FAM210A: variants seen among roughly 807,000 people sequenced by gnomAD.
FAM210A encodes family with sequence similarity 210 member A.
A neutral mutation model predicts 25.3 loss-of-function variants in FAM210A; 13 were observed. That is an observed-to-expected ratio of 0.51 (90% confidence interval 0.33 to 0.82). The LOEUF (loss-of-function observed/expected upper bound fraction) is 0.82. Among genes scored for constraint, FAM210A ranks in the 40% least tolerant of loss-of-function variants. The pLI is 0.02. For missense variants in FAM210A, 319 were observed against 323.2 expected (o/e 0.99, Z 0.10); for synonymous variants, 125 against 118.7 (o/e 1.05, Z -0.35).
rs913371953 is a variant in FAM210A, at chr18:13,719,647, A to G, written c.-29+6682T>C. On this transcript the variant is annotated intron_variant, in intron 1 of 3. Coordinates refer to ENST00000651643, the MANE Select transcript of FAM210A (RefSeq NM_152352.4). Reference sequence around the variant, plus strand: ...GCTACTATGGTTAATTCTCAGAAGTAATAAACTCAGAACCTGAAAGCACAT... The same window carrying G: ...GCTACTATGGTTAATTCTCAGAAGTGATAAACTCAGAACCTGAAAGCACAT... Among the ~76,000 whole-genome samples the G allele has an allele frequency of 9.9e-5, 15 of 152,282 alleles. 1 individual carries two copies. The Middle Eastern group carries it at 0.01, about 104-fold the overall frequency.
rs775212902 is a variant in FAM210A, at chr18:13,699,473, TA to T, written c.-28-17369del. ...AGTCTTAAATGTCAAGTGTACCACT[TA>T]AAAAAAAATCAATGATTTTTCCAAA... On this transcript the variant is annotated intron_variant, in intron 1 of 3. Coordinates refer to ENST00000651643, the MANE Select transcript of FAM210A (RefSeq NM_152352.4). Among the ~76,000 whole-genome samples the T allele has an allele frequency of 4.4e-4, 67 of 151,706 alleles. No homozygotes were observed. The East Asian group carries it at 0.012, about 28-fold the overall frequency.
In FAM210A at chr18:13,679,393, C is replaced by T. The variant is rs538379117; in HGVS notation, c.473+2212G>A. ...GACAATCTGTATTTAGTATAATCAA[C>T]TTCAACTTTTAAATACAATCATCCT... On this transcript the variant is annotated intron_variant, in intron 2 of 3. Transcript: ENST00000651643. 2.6e-5 allele frequency among the ~76,000 whole-genome samples: 4 copies of T among 152,334 alleles called. No homozygotes were observed. In the South Asian group the frequency reaches 6.2e-4, roughly 24 times the overall value.
intron 1 of FAM210A, among the ~76,000 whole-genome samples, chr18:13,711,330 C>T (rs2043819560): frequency 6.6e-6 from 1 of 152,148 alleles, no homozygotes; most frequent in Admixed American, 6.5e-5. Context: ...AGGATTGTGC[C>T]ACTGCACTCC....
rs1644353326 is a variant in FAM210A, at chr18:13,681,958, A to T, written c.120T>A (p.Asn40Lys). ...QNVKGPLLLY[N>K]AESKVVLVQG... is the part of the protein sequence containing the mutation. ...GTACCAAAACCACTTTGGATTCAGC[A>T]TTGTATAAAAGTAAAGGTCCCTTTA... Residue 40 changes from asparagine to lysine, a missense_variant, in exon 2 of 4, where the codon AAT becomes AAA. Asn to Lys is a moderately conservative substitution (Grantham distance 94). Transcript: ENST00000651643. The T allele has an allele frequency of 6.2e-7, 1 of 1,614,170 alleles. No individual in the cohort carries two copies. The highest frequency in any genetic ancestry group is 1.3e-5 in the African/African-American group (1 of 75,042).
rs149627810 is a variant in FAM210A at position 13,666,639 on chromosome 18, G to A, written c.660C>T (p.Gly220=). 6.2e-7 allele frequency: 1 copy of A among 1,614,190 alleles called. No individual in the cohort carries two copies. Among genetic ancestry groups the A allele is most frequent in the East Asian group, 2.2e-5 (1 of 44,880 alleles). ...TGACGGGTGGCGGCGTGGACATGTA[G>A]CCATGACTGCGCAGATACTTCACAG... ...SVTVKYLRSH[G]YMSTPPPVKE... is the part of the protein sequence containing the mutation. Residue 220 remains glycine (G), a synonymous_variant, in exon 4 of 4, where the codon GGC becomes GGT. Transcript: ENST00000651643.
chr18:13,701,094 T>C (rs769337241), intron 1 of FAM210A, among the ~76,000 whole-genome samples: 1 of 152,194 alleles, frequency 6.6e-6, no homozygotes, highest in Non-Finnish European at 1.5e-5. Context: ...TTTTAACAGA[T>C]GGTGTCAGAA....
intron 2 of FAM210A, among the ~76,000 whole-genome samples, chr18:13,680,195 C>A (rs1417523737): frequency 6.6e-6 from 1 of 152,168 alleles, no homozygotes; most frequent in African/African-American, 2.4e-5. Context: ...CATTACATAG[C>A]AGGACTGAAT....
At chr18:13,691,499 C>T (rs1165973717) in intron 1 of FAM210A, among the ~76,000 whole-genome samples, 1 of 152,014 alleles carries the variant, frequency 6.6e-6, no homozygotes, top group African/African-American at 2.4e-5. Context: ...TTAAGGGCAG[C>T]CAGAGAGAAA....
At chr18:13,697,231 C>T (rs2043701799) in intron 1 of FAM210A, among the ~76,000 whole-genome samples, 1 of 151,558 alleles carries the variant, frequency 6.6e-6, no homozygotes, top group South Asian at 2.1e-4. Flanking sequence ...ACTCTTAAAA[C>T]TCAACAATAA....
intron 1 of FAM210A, among the ~76,000 whole-genome samples, chr18:13,719,470 T>C (rs1017303731): frequency 1.3e-5 from 2 of 152,228 alleles, no homozygotes; most frequent in African/African-American, 4.8e-5. Context: ...ATCTTGCCAT[T>C]GGCACCCACA....
In FAM210A at chr18:13,676,117, GCC is replaced by G. The variant is rs1234455374; in HGVS notation, c.474-4146_474-4145del. On this transcript the variant is annotated intron_variant, in intron 2 of 3. Transcript: ENST00000651643. ...GTTTCCTGATTATTAACATTCCTGA[GCC>G]CCTGACCTCTTTATTTCCAGTTTCC... is the stretch of plus-strand genomic sequence containing the variant. 4.8e-3 allele frequency among the ~76,000 whole-genome samples: 700 copies of G among 146,426 alleles called. 122 individuals carry two copies. The highest frequency in any genetic ancestry group is 7.2e-3 in the Middle Eastern group (2 of 276).
At chr18:13,717,055 T>A (rs2043866686) in intron 1 of FAM210A, among the ~76,000 whole-genome samples, 1 of 152,174 alleles carries the variant, frequency 6.6e-6, no homozygotes, top group Admixed American at 6.5e-5. Flanking sequence ...CCAACTTGAA[T>A]CCAGTTTCTG....
At chr18:13,705,478 T>G (rs993313010) in intron 1 of FAM210A, among the ~76,000 whole-genome samples, 2 of 152,120 alleles carry the variant, frequency 1.3e-5, no homozygotes, top group Non-Finnish European at 2.9e-5. Flanking sequence ...AAAATAATTT[T>G]TTTTTCTTTT....
At chr18:13,708,929 G>A (rs2043801692) in intron 1 of FAM210A, among the ~76,000 whole-genome samples, 1 of 152,146 alleles carries the variant, frequency 6.6e-6, no homozygotes, top group Non-Finnish European at 1.5e-5. Flanking sequence ...TTGCCCTTCA[G>A]CAAATCCAGT....
rs1181120835 is a variant in FAM210A, at chr18:13,666,594, C to A, written c.705G>T (p.Arg235Ser). The A allele has an allele frequency of 4.3e-6, 7 of 1,614,040 alleles. No individual in the cohort carries two copies. Among genetic ancestry groups the A allele is most frequent in the Non-Finnish European group, 5.9e-6 (7 of 1,180,048 alleles). Residue 235 changes from arginine to serine, a missense_variant, in exon 4 of 4, where the codon AGG becomes AGT. Arg to Ser is a moderately radical substitution (Grantham distance 110). Coordinates refer to ENST00000651643, the MANE Select transcript of FAM210A (RefSeq NM_152352.4). ...TGATAAGCTCCTTTGTCTCTTCCAT[C>A]CTGTCCTGCAGATACTCCTTGACGG... ...PPPVKEYLQD[R>S]MEETKELITE...
At chr18:13,722,679 G>A (rs889628157) in intron 1 of FAM210A, among the ~76,000 whole-genome samples, 1 of 152,128 alleles carries the variant, frequency 6.6e-6, no homozygotes, top group Admixed American at 6.5e-5. Context: ...AGTTAGCACT[G>A]TAATTCAGCC....
Position 13,682,123 on chromosome 18 carries a change from C to CA in FAM210A, c.-28-19dup, listed in dbSNP as rs1601947576. ...TTCAGCTTCTACAAAGACAATTTTTCAAAAAAATTAGGTAATACTTAGGTT... is the reference window on the plus strand; with the variant it reads ...TTCAGCTTCTACAAAGACAATTTTTCAAAAAAAATTAGGTAATACTTAGGTT... On this transcript the variant is annotated intron_variant, in intron 1 of 3. Coordinates refer to ENST00000651643, the MANE Select transcript of FAM210A (RefSeq NM_152352.4). The CA allele has an allele frequency of 2.7e-6, 4 of 1,490,756 alleles. No individual in the cohort carries two copies. In the African/African-American group the frequency reaches 4.2e-5, roughly 16 times the overall value. The allele number at this position is 1,490,756 out of a possible 1,614,324, so 92.3% of individuals were successfully genotyped here.
At chr18:13,703,944 T>A (rs890564712) in intron 1 of FAM210A, among the ~76,000 whole-genome samples, 1 of 152,196 alleles carries the variant, frequency 6.6e-6, no homozygotes, top group African/African-American at 2.4e-5. Flanking sequence ...TCTTTGACTT[T>A]TAAAAAAGAG....
At position 13,713,105 on chromosome 18, in the gene FAM210A, C is replaced by A. The variant is rs1568488907; in HGVS notation, c.-29+13224G>T. 1.3e-5 allele frequency among the ~76,000 whole-genome samples: 2 copies of A among 152,344 alleles called. 1 individual carries two copies. The highest frequency in any genetic ancestry group is 4.1e-4 in the South Asian group (2 of 4,824). On this transcript the variant is annotated intron_variant, in intron 1 of 3. Coordinates refer to ENST00000651643, the MANE Select transcript of FAM210A (RefSeq NM_152352.4). ...TCTTATCTCTACTTACAAGTTTGAA[C>A]TATACATCTATAAGAAGGCCTCTTT...
Sources: gnomAD v4.1 joint callset for allele counts (sites outside exome capture counted in the v4.1 genomes callset) on GRCh38, gnomAD v4.1.1 for gene constraint, MANE v1.5 for transcripts, NCBI Gene and HGNC (gene_info 2026-07-23, HGNC 2026-07-21) for gene names.